Variants in OTOG observed in about 807,000 individuals in gnomAD.
OTOG encodes the protein otogelin.
Under a neutral mutation model 313.8 loss-of-function variants are expected in OTOG, and 296 were observed. That is an observed-to-expected ratio of 0.94 (90% confidence interval 0.86 to 1.04). OTOG has a LOEUF of 1.04. OTOG is among the 50% of genes least tolerant of loss of function. OTOG has a pLI of 0.00. For missense variants in OTOG, 3,948 were observed against 3,840.1 expected (o/e 1.03, Z -0.74); for synonymous variants, 1,533 against 1,554.9 (o/e 0.99, Z 0.33).
chr11:17,638,402 T>G (rs756999003), intron 47 of OTOG, 49 bp from the exon 48 acceptor site: 1 of 1,433,610 alleles, frequency 7.0e-7, no homozygotes, highest in Non-Finnish European at 9.4e-7. Context: ...AGGATTCACA[T>G]CCCCAGGTGC....
chr11:17,613,532 T>C, intron 38 of OTOG, 80 bp from the exon 39 acceptor site: 1 of 1,195,742 alleles, frequency 8.4e-7, no homozygotes. Context: ...GAGACTGTAC[T>C]CACATTTGCT....
At chr11:17,612,053 C>A in intron 36 of OTOG, 109 bp from the exon 37 acceptor site, 1 of 1,341,388 alleles carries the variant, frequency 7.5e-7, no homozygotes, top group Non-Finnish European at 1.0e-6. Flanking sequence ...CTAGAAGGTC[C>A]CCTGCCCCGC....
intron 39 of OTOG, among the ~76,000 whole-genome samples, chr11:17,618,326 T>A (rs1486212592): frequency 6.6e-6 from 1 of 152,238 alleles, no homozygotes; most frequent in Non-Finnish European, 1.5e-5. Flanking sequence ...TAAATATCCC[T>A]TTTGATTTTT....
At position 17,628,337 on chromosome 11, in the gene OTOG, A is replaced by G. The variant is rs1245651183; in HGVS notation, c.6529-796A>G. On this transcript the variant is annotated intron_variant, in intron 39 of 55. Coordinates refer to ENST00000399397, the MANE Select transcript of OTOG (RefSeq NM_001292063.2). ...ATTGACCCACTTGACATTCAGGAGC[A>G]TATAAAACAGTCTAATCTTGAAGGG... 2.6e-5 allele frequency among the ~76,000 whole-genome samples: 4 copies of G among 152,198 alleles called. No homozygotes were observed. The East Asian group carries it at 7.7e-4, about 29-fold the overall frequency.
Position 17,608,287 on chromosome 11 carries a change from A to T in OTOG, c.4157-9A>T, listed in dbSNP as rs182605244. On this transcript the variant is annotated splice_polypyrimidine_tract_variant and intron_variant, in intron 33 of 55. Transcript: ENST00000399397. ...TGACCCAGAGTTGCTGCCCCATCTCACTTTCTAGATGCCAAGCCCTCGGGG... is the reference window on the plus strand; with the variant it reads ...TGACCCAGAGTTGCTGCCCCATCTCTCTTTCTAGATGCCAAGCCCTCGGGG... 1 of 1,514,956 alleles carries T rather than the reference A, an allele frequency of 6.6e-7. No individual in the cohort carries two copies. The highest frequency in any genetic ancestry group is 8.9e-7 in the Non-Finnish European group (1 of 1,128,516). The allele number at this position is 1,514,956 out of a possible 1,614,324, so 93.8% of individuals were successfully genotyped here.
intron 15 of OTOG, among the ~76,000 whole-genome samples, chr11:17,563,955 C>G (rs1471780286): frequency 2.0e-5 from 3 of 150,930 alleles, no homozygotes; most frequent in East Asian, 3.9e-4. Context: ...TCTTCAGCCT[C>G]CCAGTGTTGG....
intron 39 of OTOG, among the ~76,000 whole-genome samples, chr11:17,620,638 C>T (rs2134110302): frequency 6.6e-6 from 1 of 152,028 alleles, no homozygotes; most frequent in East Asian, 1.9e-4. Flanking sequence ...TTTTTCTACC[C>T]CTTTTTGCTG....
chr11:17,645,834 C>T lies in OTOG; in HGVS notation c.8632C>T (p.Arg2878Cys), dbSNP rs1243348441. 6.4e-6 allele frequency: 10 copies of T among 1,550,984 alleles called. No homozygotes were observed. Among genetic ancestry groups the T allele is most frequent in the African/African-American group, 1.4e-5 (1 of 73,174 alleles). ...CTATGCCCGATTCTGCAAGTGCTGC[C>T]GTGAGGTGGGCCTGCAGCGGCGCTC... ...NTYARFCKCC[R>C]EVGLQRRSVQ... is the part of the protein sequence containing the mutation. The change falls in exon 56 of 56, where the codon CGT becomes TGT. Residue 2878 changes from arginine to cysteine, a missense_variant. Transcript: ENST00000399397.
intron 29 of OTOG, 60 bp downstream of exon 29, chr11:17,596,214 T>G: frequency 8.3e-7 from 1 of 1,205,134 alleles, no homozygotes; most frequent in Non-Finnish European, 1.2e-6. Flanking sequence ...TGGGATCCCT[T>G]CAGCTCTCAG....
At chr11:17,624,628 C>G (rs543732525) in intron 39 of OTOG, among the ~76,000 whole-genome samples, 11 of 152,202 alleles carry the variant, frequency 7.2e-5, no homozygotes, top group African/African-American at 2.7e-4. Context: ...ATTGCCTTGG[C>G]TATTCGGGCT....
Position 17,559,604 on chromosome 11 carries a change from C to G in OTOG, c.1284C>G (p.Pro428=). The G allele has an allele frequency of 3.2e-6, 5 of 1,550,918 alleles. No individual in the cohort carries two copies. The highest frequency in any genetic ancestry group is 4.4e-6 in the Non-Finnish European group (5 of 1,147,070). Residue 428 remains proline, a synonymous_variant, in exon 12 of 56, where the codon CCC becomes CCG. Coordinates refer to ENST00000399397, the MANE Select transcript of OTOG (RefSeq NM_001292063.2). ...CCTGCTGCCCTGCCTCCTGCCATCC[C>G]CGGGCATCCTGTGTGGACAGTGAGA... ...CIACCPASCH[P]RASCVDSEIA... is the part of the protein sequence containing the mutation.
At chr11:17,585,351 T>C (rs531806044) in intron 23 of OTOG, among the ~76,000 whole-genome samples, 3 of 152,224 alleles carry the variant, frequency 2.0e-5, no homozygotes, top group Non-Finnish European at 4.4e-5. Context: ...TGTAGCAATA[T>C]CTCCTCTTTG....
Position 17,553,417 on chromosome 11 carries a change from C to A in OTOG, c.438C>A (p.His146Gln). 6.8e-7 allele frequency: 1 copy of A among 1,473,058 alleles called. No individual in the cohort carries two copies. Among genetic ancestry groups the A allele is most frequent in the Non-Finnish European group, 9.0e-7 (1 of 1,109,800 alleles). 91.2% of individuals were successfully genotyped at this position (1,473,058 alleles called of 1,614,324 possible). A position where few individuals can be genotyped will look rare whatever the true frequency, so the allele number is the denominator to read the frequency against. Residue 146 changes from histidine to glutamine, a missense_variant, in exon 6 of 56, where the codon CAC (histidine) becomes CAA (glutamine). His to Gln is a conservative substitution (Grantham distance 24). Coordinates refer to ENST00000399397, the MANE Select transcript of OTOG (RefSeq NM_001292063.2). Reference protein sequence around the residue: ...RDSICRAWGQHHVETFDGLYY... With the variant: ...RDSICRAWGQQHVETFDGLYY... ...GCATTTGCCGGGCGTGGGGGCAGCA[C>A]CACGTGGAGACATTTGATGGGCTCT...
chr11:17,629,819 C>T (rs76261360), intron 40 of OTOG, among the ~76,000 whole-genome samples: 2,167 of 152,248 alleles, frequency 0.014, 51 homozygotes, highest in South Asian at 0.096. Flanking sequence ...CAGAGCATGC[C>T]CTAAAAGATT....
At chr11:17,573,503 G>T (rs1049520761) in intron 19 of OTOG, among the ~76,000 whole-genome samples, 1 of 152,178 alleles carries the variant, frequency 6.6e-6, no homozygotes, top group Admixed American at 6.5e-5. Context: ...TGTGACTCAG[G>T]ACTGCTTCTG....
chr11:17,631,305 T>C (rs146297279), intron 40 of OTOG, among the ~76,000 whole-genome samples: 21 of 151,542 alleles, frequency 1.4e-4, no homozygotes, highest in Non-Finnish European at 2.8e-4. Flanking sequence ...GCAAAGACAG[T>C]ATAAAGTAGT....
intron 20 of OTOG, among the ~76,000 whole-genome samples, chr11:17,575,848 G>T (rs1002051839): frequency 6.6e-6 from 1 of 152,150 alleles, no homozygotes; most frequent in African/African-American, 2.4e-5. Context: ...AGAGGGAGGT[G>T]GTTGTTAAGC....
rs754783066 is a variant in OTOG, at chr11:17,612,182, C to A, written c.6144C>A (p.Cys2048Ter). The A allele has an allele frequency of 6.5e-7, 1 of 1,549,504 alleles. No individual in the cohort carries two copies. The highest frequency in any genetic ancestry group is 8.7e-7 in the Non-Finnish European group (1 of 1,146,976). Reference sequence around the variant, plus strand: ...CCCAGCCAATCGCCGAGCAGGACTGCGTCCGCCACATCTGCCTGGAGGGCC... The same window carrying A: ...CCCAGCCAATCGCCGAGCAGGACTGAGTCCGCCACATCTGCCTGGAGGGCC... ...TTCVPIAEQD[C>*]VRHICLEGQL... The change falls in exon 37 of 56, where the codon TGC becomes TGA. Residue 2048 changes from cysteine to a stop codon, truncating the protein, a stop_gained. Transcript: ENST00000399397. LOFTEE classifies it high-confidence loss of function.
Position 17,638,452 on chromosome 11 carries a change from G to T in OTOG, c.7797G>T (p.Val2599=), listed in dbSNP as rs1230165522. ...TCAACTGCCTCTCCTTCCCCACAGT[G>T]TGTGAGAACTTCCGCTGTCCCCAAG... is the stretch of plus-strand genomic sequence containing the variant. ...TELCCPLYQC[V]CENFRCPQVQ... The change falls in exon 48 of 56, where the codon GTG becomes GTT. Residue 2599 remains valine, a splice_region_variant and synonymous_variant. Coordinates refer to ENST00000399397, the MANE Select transcript of OTOG (RefSeq NM_001292063.2). The T allele has an allele frequency of 2.6e-6, 4 of 1,547,476 alleles. No individual in the cohort carries two copies. The East Asian group carries it at 9.8e-5, about 38-fold the overall frequency.
Sources: allele counts gnomAD v4.1 joint callset (sites outside exome capture counted in the v4.1 genomes callset), GRCh38; gene constraint gnomAD v4.1.1; transcripts MANE v1.5; gene names NCBI Gene and HGNC (gene_info 2026-07-23, HGNC 2026-07-21).